MUC7: variants seen among roughly 807,000 people sequenced by gnomAD.
The protein encoded by MUC7 is mucin 7, secreted.
A neutral mutation model predicts 2.5 loss-of-function variants in MUC7; 2 were observed. The ratio of observed to expected loss-of-function variants is 0.81; its 90% confidence interval spans 0.33 to 2.55. The LOEUF (loss-of-function observed/expected upper bound fraction) is 2.55. Among genes scored for constraint, MUC7 ranks in the 30% most tolerant of loss-of-function variants. MUC7 has a pLI of 0.11. For synonymous variants in MUC7, 133 were observed against 173.4 expected, an observed-to-expected ratio of 0.77 and a Z score of 1.83; for missense variants, 408 against 455.6, an observed-to-expected ratio of 0.90 and a Z score of 0.95.
intron 1 of MUC7, among the ~76,000 whole-genome samples, chr4:70,440,198 A>G: frequency 6.6e-6 from 1 of 152,190 alleles, no homozygotes; most frequent in East Asian, 1.9e-4. Context: ...TCTGCATAAT[A>G]TTATATTACA....
At chr4:70,455,264 G>T (rs570340129) in intron 1 of MUC7, among the ~76,000 whole-genome samples, 50 of 151,920 alleles carry the variant, frequency 3.3e-4, no homozygotes, top group African/African-American at 1.1e-3. Context: ...CCGGCCCCTG[G>T]GTCTGTCAGA....
chr4:70,482,076 G>C lies in MUC7; in HGVS notation c.*198G>C. The C allele has an allele frequency of 3.0e-6, 2 of 667,118 alleles. No homozygotes were observed. The highest frequency in any genetic ancestry group is 2.9e-5 in the East Asian group (1 of 34,856). The allele number at this position is 667,118 out of a possible 1,614,324, so 41.3% of individuals were successfully genotyped here. ...CAAAATGCCTCTATCCCACAAGCCA[G>C]ATGCAGGTCTGGGGTTCAAAATAAC... On this transcript the variant is annotated 3_prime_UTR_variant, in exon 3 of 3. Transcript: ENST00000304887.
rs767498327 is a variant in MUC7, at chr4:70,481,118, C to G, written c.374C>G (p.Thr125Ser). ...CCATCAGCTTCCACCAAAATTACTA[C>G]CCTTCCAAATGTGACTTTTCTTCCC... Reference protein sequence around the residue: ...TFPSASTKITTLPNVTFLPQN... With the variant: ...TFPSASTKITSLPNVTFLPQN... The change falls in exon 3 of 3, where the codon ACC (threonine) becomes AGC (serine). Residue 125 changes from threonine to serine, a missense_variant. Around this residue, in one of 3 missense-constraint regions of MUC7, gnomAD observed 225 missense variants for 240.5 expected, o/e 0.94. Coordinates refer to ENST00000304887, the MANE Select transcript of MUC7 (RefSeq NM_152291.3). 23 of 1,614,054 alleles carry G rather than the reference C, an allele frequency of 1.4e-5. No homozygotes were observed. The South Asian group carries it at 2.3e-4, about 16-fold the overall frequency.
intron 1 of MUC7, among the ~76,000 whole-genome samples, chr4:70,460,834 C>A (rs1364507613): frequency 1.3e-5 from 2 of 152,148 alleles, no homozygotes; most frequent in African/African-American, 4.8e-5. Context: ...AGGATGTAGT[C>A]CTGTGATTGT....
At chr4:70,450,933 A>C (rs1033199950) in intron 1 of MUC7, among the ~76,000 whole-genome samples, 4 of 152,082 alleles carry the variant, frequency 2.6e-5, no homozygotes, top group Non-Finnish European at 5.9e-5. Flanking sequence ...TGATGCCAGC[A>C]CTTCCTTGGC....
intron 1 of MUC7, among the ~76,000 whole-genome samples, chr4:70,433,327 G>A (rs898531573): frequency 3.3e-5 from 5 of 152,100 alleles, no homozygotes; most frequent in African/African-American, 1.2e-4. Context: ...GGGCAGTATG[G>A]CCATTTTCAA....
intron 1 of MUC7, among the ~76,000 whole-genome samples, chr4:70,435,967 G>T (rs1733820936): frequency 2.6e-5 from 4 of 152,146 alleles, no homozygotes; most frequent in Admixed American, 2.6e-4. Context: ...ATGAAGCTTA[G>T]TTTGGCTGGA....
chr4:70,454,086 C>T (rs770724444), intron 1 of MUC7, among the ~76,000 whole-genome samples: 1 of 152,044 alleles, frequency 6.6e-6, no homozygotes, highest in African/African-American at 2.4e-5. Flanking sequence ...TCTCTCATTG[C>T]TTCAAGCTGT....
upstream of MUC7, among the ~76,000 whole-genome samples, chr4:70,467,974 A>G (rs1238949276): frequency 6.6e-6 from 1 of 152,166 alleles, no homozygotes; most frequent in Non-Finnish European, 1.5e-5. Context: ...TTTCAGACCA[A>G]TATCCCTGAT....
At chr4:70,433,709 C>T (rs565395836) in intron 1 of MUC7, among the ~76,000 whole-genome samples, 42 of 152,174 alleles carry the variant, frequency 2.8e-4, no homozygotes, top group African/African-American at 9.9e-4. Flanking sequence ...AATTGAATAC[C>T]CTTTATTTCT....
At chr4:70,473,183 C>T (rs1474355253) in intron 1 of MUC7, among the ~76,000 whole-genome samples, 1 of 151,998 alleles carries the variant, frequency 6.6e-6, no homozygotes, top group East Asian at 1.9e-4. Flanking sequence ...ACCCGTAATC[C>T]CAGAATTTTG....
intron 1 of MUC7, among the ~76,000 whole-genome samples, chr4:70,463,329 T>C (rs957872072): frequency 9.9e-5 from 15 of 152,210 alleles, no homozygotes; most frequent in African/African-American, 3.1e-4. Context: ...GGAAAATCCA[T>C]TGGGGCTGGG....
intron 1 of MUC7, among the ~76,000 whole-genome samples, chr4:70,452,176 A>T (rs1387789009): frequency 6.6e-6 from 1 of 152,194 alleles, no homozygotes; most frequent in East Asian, 1.9e-4. Flanking sequence ...TGTAGGCATC[A>T]GATCACTGGG....
intron 1 of MUC7, among the ~76,000 whole-genome samples, chr4:70,441,611 G>A (rs552366370): frequency 1.3e-5 from 2 of 152,276 alleles, no homozygotes; most frequent in African/African-American, 2.4e-5. Flanking sequence ...GCAAAGAAGT[G>A]TGAAATATAG....
At chr4:70,440,210 A>G (rs984635210) in intron 1 of MUC7, among the ~76,000 whole-genome samples, 1 of 152,200 alleles carries the variant, frequency 6.6e-6, no homozygotes, top group South Asian at 2.1e-4. Context: ...TATATTACAT[A>G]AAAACTTAAT....
chr4:70,453,229 C>G (rs1024495074), intron 1 of MUC7, among the ~76,000 whole-genome samples: 1 of 152,218 alleles, frequency 6.6e-6, no homozygotes, highest in African/African-American at 2.4e-5. Context: ...CCAGTTCCCT[C>G]AGGCCCCAGG....
At chr4:70,473,260 C>A (rs1734889852) in intron 1 of MUC7, among the ~76,000 whole-genome samples, 1 of 151,956 alleles carries the variant, frequency 6.6e-6, no homozygotes, top group Admixed American at 6.6e-5. Context: ...CACAGTGAAA[C>A]CGTGTCTCTA....
chr4:70,455,313 A>G (rs1347304214), intron 1 of MUC7, among the ~76,000 whole-genome samples: 2 of 152,208 alleles, frequency 1.3e-5, no homozygotes, highest in East Asian at 3.8e-4. Context: ...ATTAGGCTCA[A>G]TCTTTCTATG....
At chr4:70,461,134 C>G (rs1452040049) in intron 1 of MUC7, among the ~76,000 whole-genome samples, 1 of 152,214 alleles carries the variant, frequency 6.6e-6, no homozygotes, top group East Asian at 1.9e-4. Context: ...TCTCCGTCTG[C>G]ACCTTACATG....
Sources: gnomAD v4.1 joint callset for allele counts (sites outside exome capture counted in the v4.1 genomes callset) on GRCh38, gnomAD v4.1.1 for gene constraint, gnomAD v4.1.1 regional missense constraint, MANE v1.5 for transcripts, NCBI Gene and HGNC (gene_info 2026-07-23, HGNC 2026-07-21) for gene names.